The following SNX18 variants were observed in gnomAD, a reference collection of about 807,000 sequenced individuals.
The protein encoded by SNX18 is sorting nexin 18.
SNX18 carries 35 observed loss-of-function variants against 48.7 expected under a neutral mutation model. That is an observed-to-expected ratio of 0.72 (90% CI 0.55 to 0.95). SNX18 has a LOEUF of 0.95. Among genes scored for constraint, SNX18 ranks in the 40% least tolerant of loss-of-function variants. SNX18 has a pLI of 0.00. For synonymous variants in SNX18, 492 were observed against 384.7 expected (o/e 1.28, Z -3.26); for missense variants, 824 against 871.0 (o/e 0.95, Z 0.68).
At chr5:54,561,504 A>ATTTTTTTT in the SNX18 span, among the ~76,000 whole-genome samples, 3,416 of 132,848 alleles carry the variant, frequency 0.026, 94 homozygotes, top group East Asian at 0.062. Flanking sequence ...CGCCCAGCTA[A>ATTTTTTTT]TTTTTTTTTT....
chr5:54,603,715 ACTCCATTCTTACTGAAAAACGTC>A, the SNX18 span, among the ~76,000 whole-genome samples: 1 of 152,170 alleles, frequency 6.6e-6, no homozygotes, highest in Non-Finnish European at 1.5e-5. Context: ...TTCTTTGCTA[ACTCCATTCTTACTGAAAAACGTC>A]CTCCATTCTT....
At position 54,517,778 on chromosome 5, in the gene SNX18, AG is replaced by A; in HGVS notation, c.-173del. The A allele has an allele frequency of 2.1e-6, 1 of 487,516 alleles. No individual in the cohort carries two copies. Among genetic ancestry groups the A allele is most frequent in the Non-Finnish European group, 3.1e-6 (1 of 321,450 alleles). 30.2% of individuals were successfully genotyped at this position (487,516 alleles called of 1,614,324 possible). On this transcript the variant is annotated 5_prime_UTR_variant, in exon 1 of 2. Coordinates refer to ENST00000381410, the MANE Select transcript of SNX18 (RefSeq NM_001102575.2). ...CGCGGCAGTCGGCGCTGCGAAGTGG[AG>A]GCGCTGCGAGCGGAGCCGCGCGGAG...
chr5:54,623,703 C>T, the SNX18 span, among the ~76,000 whole-genome samples: 1 of 152,180 alleles, frequency 6.6e-6, no homozygotes, highest in Non-Finnish European at 1.5e-5. Flanking sequence ...GCTAGACTTC[C>T]CCAAAATGCA....
intron 1 of SNX18, among the ~76,000 whole-genome samples, chr5:54,524,881 T>C (rs910598167): frequency 7.2e-5 from 11 of 152,236 alleles, no homozygotes; most frequent in Admixed American, 6.5e-4. Flanking sequence ...GGCAGTTCCT[T>C]GTGCCAGGAT....
chr5:54,590,944 T>C, the SNX18 span, among the ~76,000 whole-genome samples: 44 of 152,192 alleles, frequency 2.9e-4, no homozygotes, highest in African/African-American at 9.6e-4. Flanking sequence ...CTCACTGGCA[T>C]GGCTTAGTGA....
the SNX18 span, among the ~76,000 whole-genome samples, chr5:54,609,987 C>G: frequency 6.6e-6 from 1 of 152,076 alleles, no homozygotes; most frequent in Non-Finnish European, 1.5e-5. Context: ...TCCTCTCTCT[C>G]TCTGTCTTCC....
At chr5:54,540,792 A>G (rs1762453626) in intron 1 of SNX18, among the ~76,000 whole-genome samples, 1 of 151,900 alleles carries the variant, frequency 6.6e-6, no homozygotes, top group Non-Finnish European at 1.5e-5. Flanking sequence ...GGATCTGAGC[A>G]GGGAAGGATC....
the SNX18 span, among the ~76,000 whole-genome samples, chr5:54,590,091 C>A: frequency 6.6e-6 from 1 of 152,224 alleles, no homozygotes; most frequent in Non-Finnish European, 1.5e-5. Context: ...GCACCCAGCC[C>A]TCTCCAAGTC....
chr5:54,617,665 A>T, the SNX18 span, among the ~76,000 whole-genome samples: 3 of 152,162 alleles, frequency 2.0e-5, no homozygotes, highest in Non-Finnish European at 4.4e-5. Context: ...CACTGAGTGA[A>T]GTTCTGGAAA....
At chr5:54,524,196 G>A (rs559815707) in intron 1 of SNX18, among the ~76,000 whole-genome samples, 18 of 152,282 alleles carry the variant, frequency 1.2e-4, no homozygotes, top group African/African-American at 3.6e-4. Context: ...TGGTGCTTTC[G>A]AAATACACGA....
At chr5:54,618,194 G>A in the SNX18 span, among the ~76,000 whole-genome samples, 29,374 of 152,042 alleles carry the variant, frequency 0.19, 3,089 homozygotes, top group South Asian at 0.23. Context: ...CACTTCTCTC[G>A]CCTGCCGCCA....
At position 54,518,581 on chromosome 5, in the gene SNX18, T is replaced by G; in HGVS notation, c.629T>G (p.Val210Gly). The G allele has an allele frequency of 6.3e-7, 1 of 1,579,760 alleles. No individual in the cohort carries two copies. Among genetic ancestry groups the G allele is most frequent in the South Asian group, 1.2e-5 (1 of 85,986 alleles). Residue 210 changes from valine to glycine, a missense_variant, in exon 1 of 2, where the codon GTC (valine) becomes GGC (glycine). Physicochemically the swap from Val to Gly is moderately radical, Grantham distance 109. Transcript: ENST00000381410. ...DLSLGSRGGS[V>G]PPQHHPSGPK... ...TCCCTGGGTTCCCGCGGCGGCTCGG[T>G]CCCCCCGCAGCACCACCCGTCGGGG...
the SNX18 span, among the ~76,000 whole-genome samples, chr5:54,559,241 AC>A: frequency 6.6e-6 from 1 of 152,322 alleles, no homozygotes; most frequent in Middle Eastern, 3.4e-3. Context: ...TTCATATGGA[AC>A]CAAAAACAAG....
At chr5:54,519,648 C>A in intron 1 of SNX18, 75 bp downstream of exon 1, 1 of 1,614,156 alleles carries the variant, frequency 6.2e-7, no homozygotes, top group Non-Finnish European at 8.5e-7. Flanking sequence ...GACAGCAGTA[C>A]CACTGTGGGT....
intron 1 of SNX18, among the ~76,000 whole-genome samples, chr5:54,530,622 G>T (rs577635562): frequency 1.3e-5 from 2 of 151,644 alleles, no homozygotes; most frequent in African/African-American, 2.4e-5. Flanking sequence ...ATGGTGCTTT[G>T]TGTTTTATAT....
At chr5:54,533,995 G>A (rs72765736) in intron 1 of SNX18, among the ~76,000 whole-genome samples, 8,272 of 152,150 alleles carry the variant, frequency 0.054, 318 homozygotes, top group Middle Eastern at 0.1. Context: ...AACAGGCCAC[G>A]CTGACCAAAT....
At chr5:54,528,311 G>A (rs1270284040) in intron 1 of SNX18, among the ~76,000 whole-genome samples, 1 of 152,186 alleles carries the variant, frequency 6.6e-6, no homozygotes, top group Non-Finnish European at 1.5e-5. Flanking sequence ...AGAGCAGTAG[G>A]TACTTGCCCT....
the SNX18 span, among the ~76,000 whole-genome samples, chr5:54,636,726 A>G: frequency 8.5e-5 from 13 of 152,370 alleles, no homozygotes; most frequent in African/African-American, 2.6e-4. Flanking sequence ...ACCCAATTTT[A>G]AATTAGTAAA....
chr5:54,518,036 C>T lies in SNX18; in HGVS notation c.84C>T (p.Ser28=), dbSNP rs375250474. The part of the protein sequence containing the change: ...EISLREHEVL[S]LCSEQDIEGW... ...CGCTGCGAGAGCACGAGGTGCTGAGCCTGTGCAGCGAGCAGGACATCGAGG... is the reference window on the plus strand; with the variant it reads ...CGCTGCGAGAGCACGAGGTGCTGAGTCTGTGCAGCGAGCAGGACATCGAGG... The change falls in exon 1 of 2, where the codon AGC becomes AGT. Residue 28 remains serine, a synonymous_variant. Coordinates refer to ENST00000381410, the MANE Select transcript of SNX18 (RefSeq NM_001102575.2). 13 of 1,547,912 alleles carry T rather than the reference C, an allele frequency of 8.4e-6. No individual in the cohort carries two copies. The African/African-American group carries it at 1.3e-4, about 15-fold the overall frequency.
Sources: allele counts gnomAD v4.1 joint callset (sites outside exome capture counted in the v4.1 genomes callset), GRCh38; gene constraint gnomAD v4.1.1; transcripts MANE v1.5; gene names NCBI Gene and HGNC (gene_info 2026-07-23, HGNC 2026-07-21).